The following DEPDC5 variants were observed in gnomAD, a reference collection of about 807,000 sequenced individuals.
DEPDC5 encodes DEP domain containing 5, GATOR1 subcomplex subunit.
In DEPDC5, 73 loss-of-function variants were observed where a neutral mutation model predicts 217.3. The ratio of observed to expected loss-of-function variants is 0.34; its 90% CI spans 0.28 to 0.41. The LOEUF (loss-of-function observed/expected upper bound fraction) is 0.41. Ranked by LOEUF, DEPDC5 falls within the 10% of genes least tolerant of loss-of-function variation. DEPDC5 has a pLI of 1.00. For missense variants in DEPDC5, 1,675 were observed against 2,070.1 expected (o/e 0.81, Z 3.70); for synonymous variants, 733 against 756.7 (o/e 0.97, Z 0.51).
At position 31,843,178 on chromosome 22, in the gene DEPDC5, G is replaced by A; in HGVS notation, c.2599G>A (p.Asp867Asn). The A allele has an allele frequency of 6.2e-7, 1 of 1,614,148 alleles. No homozygotes were observed. The highest frequency in any genetic ancestry group is 8.5e-7 in the Non-Finnish European group (1 of 1,180,030). ...AACGTTCCACAAAGTGACGCTGAAG[G>A]ATAAGATGATCACAGTGACGCGATA... The part of the protein sequence containing the change: ...GRTFHKVTLK[D>N]KMITVTRYLP... Residue 867 changes from aspartate to asparagine, a missense_variant, in exon 28 of 43, where the codon GAT (aspartate) becomes AAT (asparagine). This residue lies in a region of DEPDC5 where 293 missense variants were observed against 386.1 expected (regional missense o/e 0.76). Coordinates refer to ENST00000651528, the MANE Select transcript of DEPDC5 (RefSeq NM_001242896.3).
At chr22:31,883,849 C>CA (rs918841660) in intron 38 of DEPDC5, among the ~76,000 whole-genome samples, 22 of 152,308 alleles carry the variant, frequency 1.4e-4, no homozygotes, top group Admixed American at 1.2e-3. Context: ...TGATGAGGGA[C>CA]ACTCAGGTCC....
intron 5 of DEPDC5, 126 bp from the exon 6 acceptor site, chr22:31,766,459 A>T: frequency 1.2e-6 from 1 of 835,936 alleles, no homozygotes; most frequent in Non-Finnish European, 2.0e-6. Flanking sequence ...GAGTTCTGCT[A>T]CTGAATGGTC....
intron 30 of DEPDC5, among the ~76,000 whole-genome samples, chr22:31,846,339 T>C (rs555844500): frequency 6.6e-6 from 1 of 152,320 alleles, no homozygotes; most frequent in Non-Finnish European, 1.5e-5. Context: ...GAATGTTCCA[T>C]CATCAGCCAT....
At chr22:31,761,774 C>T (rs905608872) in intron 4 of DEPDC5, among the ~76,000 whole-genome samples, 9 of 151,728 alleles carry the variant, frequency 5.9e-5, no homozygotes, top group African/African-American at 2.2e-4. Flanking sequence ...TTGCGACCAG[C>T]CTGGGCAAAA....
In DEPDC5 at chr22:31,797,682, T is replaced by C. The variant is rs1384258485; in HGVS notation, c.850T>C (p.Leu284=). Residue 284 remains leucine (L), a synonymous_variant, in exon 13 of 43, where the codon TTG becomes CTG. Transcript: ENST00000651528. Reference sequence around the variant, plus strand: ...AAAACTCTTCATCCAGTATCCAGTGTTGGTGCGACTGGAACAGGCAGGTAC... The same window carrying C: ...AAAACTCTTCATCCAGTATCCAGTGCTGGTGCGACTGGAACAGGCAGGTAC... ...IKKLFIQYPV[L]VRLEQAEGFP... is the part of the protein sequence containing the mutation. 1 of 1,613,846 alleles carries C rather than the reference T, an allele frequency of 6.2e-7. No individual in the cohort carries two copies. Among genetic ancestry groups the C allele is most frequent in the Admixed American group, 1.7e-5 (1 of 59,998 alleles).
At position 31,907,859 on chromosome 22, in the gene DEPDC5, T is replaced by C. The variant is rs1004261173; in HGVS notation, c.*1362T>C. The C allele has an allele frequency of 6.6e-6, 1 of 152,258 alleles. No individual in the cohort carries two copies. Among genetic ancestry groups the C allele is most frequent in the Non-Finnish European group, 1.5e-5 (1 of 68,068 alleles). The allele number at this position is 152,258 out of a possible 1,614,324, so 9.4% of individuals were successfully genotyped here. On this transcript the variant is annotated 3_prime_UTR_variant, in exon 43 of 43. Transcript: ENST00000651528. ...GGAGTTCATCACAAGCTCTGTTGAT[T>C]TGCCTCCTCAATGGCTTTGCATCCA...
chr22:31,879,050 A>AT (rs2093093983), intron 37 of DEPDC5, among the ~76,000 whole-genome samples: 2 of 125,766 alleles, frequency 1.6e-5, no homozygotes, highest in Non-Finnish European at 3.3e-5. Context: ...AAAAATATAT[A>AT]TATATATATA....
chr22:31,794,992 T>G (rs920750764), intron 12 of DEPDC5, among the ~76,000 whole-genome samples: 2 of 151,962 alleles, frequency 1.3e-5, no homozygotes, highest in African/African-American at 4.8e-5. Context: ...ATTACTTTGG[T>G]GAATCAACCC....
intron 10 of DEPDC5, among the ~76,000 whole-genome samples, chr22:31,785,840 A>G (rs900608650): frequency 2.0e-5 from 3 of 152,312 alleles, no homozygotes; most frequent in Middle Eastern, 3.4e-3. Flanking sequence ...AGTTCATTTA[A>G]TGAGAGAAAG....
rs2073081016 is a variant in DEPDC5, at chr22:31,857,549, G to C, written c.3260G>C (p.Arg1087Pro). Residue 1087 changes from arginine (R) to proline (P), a missense_variant, in exon 32 of 43, where the codon CGA becomes CCA. Physicochemically the swap from Arg to Pro is moderately radical, Grantham distance 103. Transcript: ENST00000651528. ...ACTCCCACCTACATGGACAGCCCAC[G>C]AAAGGTAAAGGAAGCCGCGGTAGCA... is the stretch of plus-strand genomic sequence containing the variant. ...AMTPTYMDSP[R>P]KDGAFFMEFV... 1.2e-6 allele frequency: 2 copies of C among 1,609,858 alleles called. No individual in the cohort carries two copies. Among genetic ancestry groups the C allele is most frequent in the Non-Finnish European group, 1.7e-6 (2 of 1,178,118 alleles).
chr22:31,819,910 T>C (rs1456508184), intron 22 of DEPDC5, among the ~76,000 whole-genome samples: 1 of 152,194 alleles, frequency 6.6e-6, no homozygotes, highest in Non-Finnish European at 1.5e-5. Flanking sequence ...AGTTATGTTG[T>C]TTTGTTTTCT....
At chr22:31,901,484 C>T (rs2093647850) in intron 40 of DEPDC5, among the ~76,000 whole-genome samples, 1 of 152,204 alleles carries the variant, frequency 6.6e-6, no homozygotes, top group Admixed American at 6.5e-5. Context: ...TGGTAGCTCA[C>T]ACTGACTGCT....
At chr22:31,760,789 G>A (rs2082323303) in intron 4 of DEPDC5, 87 bp downstream of exon 4, 2 of 1,098,106 alleles carry the variant, frequency 1.8e-6, no homozygotes, top group Admixed American at 2.6e-5. Context: ...CAAGGGATGA[G>A]GGCAAGTAAT....
chr22:31,877,737 G>A (rs1189014110), intron 37 of DEPDC5, among the ~76,000 whole-genome samples: 2 of 115,448 alleles, frequency 1.7e-5, no homozygotes, highest in Admixed American at 1.1e-4. Flanking sequence ...GCGACAGAGC[G>A]AGACTCCATC....
At chr22:31,891,329 A>T in intron 38 of DEPDC5, 2 of 385,170 alleles carry the variant, frequency 5.2e-6, no homozygotes, top group Non-Finnish European at 1.0e-5. Flanking sequence ...TTATCAACTC[A>T]TCCTTTCAGC....
intron 11 of DEPDC5, among the ~76,000 whole-genome samples, chr22:31,792,491 A>C (rs2085778669): frequency 1.3e-5 from 2 of 151,576 alleles, no homozygotes; most frequent in Non-Finnish European, 2.9e-5. Context: ...CTGTAGTCCC[A>C]GCTACCCAGG....
chr22:31,814,807 C>G (rs1380443215), intron 20 of DEPDC5, 185 bp from the exon 21 acceptor site: 1 of 615,462 alleles, frequency 1.6e-6, no homozygotes. Flanking sequence ...TTTCCCCCCT[C>G]TCTTATATAA....
intron 7 of DEPDC5, chr22:31,769,087 C>T (rs1433369757): frequency 1.9e-5 from 6 of 315,960 alleles, no homozygotes; most frequent in Admixed American, 1.0e-4. Flanking sequence ...GGTGAAACCC[C>T]GTCTCTACTA....
intron 33 of DEPDC5, among the ~76,000 whole-genome samples, chr22:31,864,982 C>CACCCA (rs1291686948): frequency 7.1e-6 from 1 of 141,278 alleles, no homozygotes; most frequent in African/African-American, 3.2e-5. Flanking sequence ...TGAGCCATCG[C>CACCCA]GCTTGGCCTA....
Sources: allele counts gnomAD v4.1 joint callset (sites outside exome capture counted in the v4.1 genomes callset), GRCh38; gene constraint gnomAD v4.1.1; regional missense constraint gnomAD v4.1.1; transcripts MANE v1.5; gene names NCBI Gene and HGNC (gene_info 2026-07-23, HGNC 2026-07-21).